The following GALNT17 variants were observed in gnomAD, a reference collection of about 807,000 sequenced individuals.
The protein encoded by GALNT17 is UDP-GalNAc:polypeptide N-acetylgalactosaminyltransferase-like 3.
Under a neutral mutation model 63.7 loss-of-function variants are expected in GALNT17, and 29 were observed. The ratio of observed to expected loss-of-function variants is 0.46; its 90% CI spans 0.34 to 0.62. The LOEUF (loss-of-function observed/expected upper bound fraction) is 0.62. Among genes scored for constraint, GALNT17 ranks in the 20% least tolerant of loss-of-function variants. The pLI is 0.01. For synonymous variants in GALNT17, 305 were observed against 318.3 expected (o/e 0.96, Z 0.45); for missense variants, 603 against 799.6 (o/e 0.75, Z 2.97).
intron 1 of GALNT17, among the ~76,000 whole-genome samples, chr7:71,296,623 A>C (rs539885174): frequency 1.8e-5 from 2 of 111,078 alleles, no homozygotes; most frequent in African/African-American, 6.5e-5. Context: ...CTAAAAAAAA[A>C]AACAACTATA....
intron 1 of GALNT17, among the ~76,000 whole-genome samples, chr7:71,150,773 G>T (rs1461473991): frequency 6.6e-6 from 1 of 151,858 alleles, no homozygotes. Context: ...GCCTCCCAAA[G>T]TGCTGGGATT....
chr7:71,284,117 C>A (rs1276183893), intron 1 of GALNT17: 1 of 152,228 alleles, frequency 6.6e-6, no homozygotes, highest in Non-Finnish European at 1.5e-5. Context: ...CACAGTAAAT[C>A]TTGCTGCTGT....
chr7:71,478,809 A>T (rs755167166), intron 5 of GALNT17, among the ~76,000 whole-genome samples: 10 of 152,208 alleles, frequency 6.6e-5, no homozygotes, highest in African/African-American at 9.6e-5. Flanking sequence ...GACAAGAAGG[A>T]GAGACATTTA....
intron 6 of GALNT17, among the ~76,000 whole-genome samples, chr7:71,613,979 A>G (rs181224980): frequency 1.3e-5 from 2 of 152,100 alleles, no homozygotes; most frequent in East Asian, 3.9e-4. Context: ...AAAAACTCAT[A>G]ACATGGAGAG....
chr7:71,639,893 G>T (rs1790579988), intron 6 of GALNT17, among the ~76,000 whole-genome samples: 1 of 152,154 alleles, frequency 6.6e-6, no homozygotes, highest in African/African-American at 2.4e-5. Context: ...TTGATTGCGG[G>T]AAGATCGCAG....
At chr7:71,347,230 C>T (rs112931229) in intron 2 of GALNT17, among the ~76,000 whole-genome samples, 4 of 152,240 alleles carry the variant, frequency 2.6e-5, no homozygotes, top group African/African-American at 7.2e-5. Flanking sequence ...GAGAGTTATA[C>T]GTGAAGGTTA....
At chr7:71,393,944 G>A (rs2116362691) in intron 3 of GALNT17, among the ~76,000 whole-genome samples, 1 of 152,204 alleles carries the variant, frequency 6.6e-6, no homozygotes, top group East Asian at 1.9e-4. Context: ...CCTTGATGGG[G>A]TGTATCGCTC....
chr7:71,149,954 G>T (rs1327483911), intron 1 of GALNT17, among the ~76,000 whole-genome samples: 6 of 152,180 alleles, frequency 3.9e-5, no homozygotes, highest in African/African-American at 1.2e-4. Flanking sequence ...TCACCTTCCA[G>T]CTGAGGTCCC....
At chr7:71,166,034 G>A (rs10261209) in intron 1 of GALNT17, among the ~76,000 whole-genome samples, 45,165 of 151,868 alleles carry the variant, frequency 0.3, 8,986 homozygotes, top group African/African-American at 0.57. Flanking sequence ...CAATGCATAA[G>A]TATTCAGAAA....
intron 1 of GALNT17, among the ~76,000 whole-genome samples, chr7:71,311,449 T>C (rs980930678): frequency 6.6e-6 from 1 of 152,168 alleles, no homozygotes; most frequent in Non-Finnish European, 1.5e-5. Flanking sequence ...GGTGCTGTTA[T>C]TGCAAGACCC....
chr7:71,601,208 A>G (rs1037339269), intron 6 of GALNT17, among the ~76,000 whole-genome samples: 19 of 152,084 alleles, frequency 1.2e-4, no homozygotes, highest in African/African-American at 4.6e-4. Context: ...GATTGGTTCC[A>G]TGATTTTGCA....
intron 1 of GALNT17, among the ~76,000 whole-genome samples, chr7:71,192,975 C>T (rs577414865): frequency 2.0e-5 from 3 of 152,282 alleles, no homozygotes; most frequent in East Asian, 3.9e-4. Context: ...CACTTAATAG[C>T]CTCTCTTTAC....
chr7:71,264,935 TA>T (rs774960166), intron 1 of GALNT17, among the ~76,000 whole-genome samples: 13 of 150,928 alleles, frequency 8.6e-5, no homozygotes, highest in Non-Finnish European at 1.5e-4. Context: ...TGACTGTAGT[TA>T]ACAACAATGT....
intron 2 of GALNT17, among the ~76,000 whole-genome samples, chr7:71,350,365 A>G (rs1792168473): frequency 6.6e-6 from 1 of 152,166 alleles, no homozygotes; most frequent in Non-Finnish European, 1.5e-5. Context: ...ATAAACTGGG[A>G]AAAATAAACA....
chr7:71,158,097 A>G lies in GALNT17; in HGVS notation c.238+25057A>G, dbSNP rs140655619. 5.4e-3 allele frequency among the ~76,000 whole-genome samples: 821 copies of G among 151,526 alleles called. 22 individuals are homozygous for G. Among genetic ancestry groups the G allele is most frequent in the African/African-American group, 0.018 (738 of 40,908 alleles). ...GTGCTGCAATAAACAAGGGAGTGCA[A>G]ATATCTCTTTGATATATTGATTCCC... On this transcript the variant is annotated intron_variant, in intron 1 of 10. Transcript: ENST00000333538.
chr7:71,202,762 CA>C (rs1789198535), intron 1 of GALNT17, among the ~76,000 whole-genome samples: 2 of 152,188 alleles, frequency 1.3e-5, no homozygotes, highest in South Asian at 2.1e-4. Flanking sequence ...ACCTTTGTAA[CA>C]AAACCCCACG....
At chr7:71,509,862 G>C (rs1788326136) in intron 5 of GALNT17, among the ~76,000 whole-genome samples, 1 of 152,214 alleles carries the variant, frequency 6.6e-6, no homozygotes, top group African/African-American at 2.4e-5. Context: ...CAAGAGAGAA[G>C]AGGACACTGG....
At chr7:71,499,918 G>A (rs150345300) in intron 5 of GALNT17, among the ~76,000 whole-genome samples, 156 of 152,300 alleles carry the variant, frequency 1.0e-3, no homozygotes, top group Middle Eastern at 0.01. Flanking sequence ...GAGTTATCAC[G>A]AAATCTGATG....
intron 2 of GALNT17, among the ~76,000 whole-genome samples, chr7:71,368,590 G>A (rs1436484521): frequency 6.6e-6 from 1 of 152,036 alleles, no homozygotes; most frequent in Non-Finnish European, 1.5e-5. Context: ...AACGTCTCTT[G>A]TCGCATTTAT....
Sources: allele counts gnomAD v4.1 joint callset (sites outside exome capture counted in the v4.1 genomes callset), GRCh38; gene constraint gnomAD v4.1.1; transcripts MANE v1.5; gene names NCBI Gene and HGNC (gene_info 2026-07-23, HGNC 2026-07-21).